Variants in ITPR2 observed in about 807,000 individuals in gnomAD.
ITPR2 encodes inositol 1,4,5-trisphosphate receptor type 2, also known as inositol 1,4,5-trisphosphate-gated calcium channel ITPR2.
A neutral mutation model predicts 317.1 loss-of-function variants in ITPR2; 207 were observed. That is an observed-to-expected ratio of 0.65 (90% CI 0.58 to 0.73). The LOEUF (loss-of-function observed/expected upper bound fraction) is 0.73. Among genes scored for constraint, ITPR2 ranks in the 30% least tolerant of loss-of-function variants. The probability of loss-of-function intolerance (pLI) is 0.00; values close to 1 mark genes in which losing one functional copy is unlikely to be tolerated. For missense variants in ITPR2, 2,613 were observed against 3,284.0 expected, an observed-to-expected ratio of 0.80 and a Z score of 4.99; for synonymous variants, 1,156 against 1,149.1, an observed-to-expected ratio of 1.01 and a Z score of -0.12.
intron 2 of ITPR2, among the ~76,000 whole-genome samples, chr12:26,735,744 C>T (rs543313186): frequency 2.0e-5 from 3 of 152,350 alleles, no homozygotes; most frequent in African/African-American, 7.2e-5. Flanking sequence ...TTTATATAAA[C>T]ATATCCTGTG....
At chr12:26,646,947 A>G (rs1435499342) in intron 21 of ITPR2, among the ~76,000 whole-genome samples, 1 of 152,240 alleles carries the variant, frequency 6.6e-6, no homozygotes, top group African/African-American at 2.4e-5. Context: ...AAATGAGAGA[A>G]GCTATGAAGA....
chr12:26,578,662 C>G, intron 34 of ITPR2, 51 bp downstream of exon 34: 3 of 1,538,848 alleles, frequency 1.9e-6, no homozygotes, highest in South Asian at 1.2e-5. Flanking sequence ...AGCCAAAAAC[C>G]TAATTTCTTC....
chr12:26,772,664 G>A (rs892637475), intron 2 of ITPR2, among the ~76,000 whole-genome samples: 1 of 149,510 alleles, frequency 6.7e-6, no homozygotes, highest in Non-Finnish European at 1.5e-5. Context: ...TTCATACACT[G>A]AATTGCACAT....
At chr12:26,691,713 GT>G (rs1278569040) in intron 10 of ITPR2, among the ~76,000 whole-genome samples, 1 of 152,036 alleles carries the variant, frequency 6.6e-6, no homozygotes, top group Non-Finnish European at 1.5e-5. Context: ...TGACTCATTT[GT>G]GAGTCATCAA....
At chr12:26,556,556 ATTTTTTT>A (rs11312773) in intron 35 of ITPR2, among the ~76,000 whole-genome samples, 181 bp from the exon 36 acceptor site, 1 of 133,796 alleles carries the variant, frequency 7.5e-6, no homozygotes, top group African/African-American at 3.0e-5. Context: ...CTGGGTCTCT[ATTTTTTT>A]TTTTGTGTGT....
intron 13 of ITPR2, among the ~76,000 whole-genome samples, chr12:26,675,833 T>C (rs956959421): frequency 6.6e-6 from 1 of 152,236 alleles, no homozygotes; most frequent in Non-Finnish European, 1.5e-5. Flanking sequence ...TAGAAAGTAA[T>C]TATCAATCTA....
chr12:26,434,610 T>A (rs1941304161), intron 48 of ITPR2, among the ~76,000 whole-genome samples: 2 of 152,140 alleles, frequency 1.3e-5, no homozygotes, highest in Non-Finnish European at 2.9e-5. Context: ...AGGGACATGC[T>A]TCTTGTTATT....
At position 26,550,352 on chromosome 12, in the gene ITPR2, C is replaced by G. The variant is rs759877997; in HGVS notation, c.4968G>C (p.Leu1656Phe). The G allele has an allele frequency of 2.3e-6, 3 of 1,317,500 alleles. No individual in the cohort carries two copies. The South Asian group carries it at 3.7e-5, about 16-fold the overall frequency. The allele number at this position is 1,317,500 out of a possible 1,614,324, so 81.6% of individuals were successfully genotyped here. ...RIRCGAFMSK[L>F]INHTKKLMEK... Reference sequence around the variant, plus strand: ...CCATTAGTTTCTTTGTATGATTAATCAACCTTAAAGCAAAACATGAGACCT... The same window carrying G: ...CCATTAGTTTCTTTGTATGATTAATGAACCTTAAAGCAAAACATGAGACCT... Residue 1656 changes from leucine to phenylalanine, a missense_variant, in exon 37 of 57, where the codon TTG (leucine) becomes TTC (phenylalanine). Leu to Phe is a conservative substitution (Grantham distance 22). This residue lies in a region of ITPR2 where 926 missense variants were observed against 1,072.8 expected (regional missense o/e 0.86). Transcript: ENST00000381340.
At chr12:26,706,993 T>C (rs1433173226) in intron 9 of ITPR2, among the ~76,000 whole-genome samples, 1 of 152,160 alleles carries the variant, frequency 6.6e-6, no homozygotes, top group African/African-American at 2.4e-5. Context: ...TATTATTTTC[T>C]TTGAGAACCA....
At chr12:26,675,714 C>T (rs1158460308) in intron 13 of ITPR2, among the ~76,000 whole-genome samples, 1 of 132,380 alleles carries the variant, frequency 7.6e-6, no homozygotes, top group African/African-American at 2.7e-5. Flanking sequence ...AAAAAATTAC[C>T]AAGTCAAGAA....
chr12:26,641,235 T>G lies in ITPR2; in HGVS notation c.2741-9176A>C, dbSNP rs546799879. ...CCATTCACAAAGGAGTGATTCTTTG[T>G]TTAAAAAAAAAAAAAATCTCTCTTT... On this transcript the variant is annotated intron_variant, in intron 21 of 56. Transcript: ENST00000381340. Among the ~76,000 whole-genome samples the G allele has an allele frequency of 4.0e-5, 6 of 151,288 alleles. No individual in the cohort carries two copies. The South Asian group carries it at 1.3e-3, about 32-fold the overall frequency.
chr12:26,704,554 CT>C (rs1592054851), intron 9 of ITPR2, among the ~76,000 whole-genome samples: 1 of 152,040 alleles, frequency 6.6e-6, no homozygotes, highest in African/African-American at 2.4e-5. Context: ...AACTTTGCCC[CT>C]ATATACTTAC....
At chr12:26,376,598 G>GTATT (rs1317628366) in intron 55 of ITPR2, among the ~76,000 whole-genome samples, 1 of 151,862 alleles carries the variant, frequency 6.6e-6, no homozygotes, top group Non-Finnish European at 1.5e-5. Flanking sequence ...TACTGCTATA[G>GTATT]AGCATGCTTT....
intron 21 of ITPR2, among the ~76,000 whole-genome samples, chr12:26,646,815 C>T (rs1459645511): frequency 1.3e-5 from 2 of 152,162 alleles, no homozygotes; most frequent in African/African-American, 2.4e-5. Context: ...AGTGACTCCT[C>T]ATTTTCTACA....
chr12:26,764,100 A>G (rs1186132895), intron 2 of ITPR2, among the ~76,000 whole-genome samples: 2 of 152,148 alleles, frequency 1.3e-5, no homozygotes, highest in African/African-American at 4.8e-5. Flanking sequence ...AATAAAATTA[A>G]GTAAAGGTAG....
intron 13 of ITPR2, among the ~76,000 whole-genome samples, chr12:26,671,855 A>T (rs572798947): frequency 6.6e-6 from 1 of 152,298 alleles, no homozygotes; most frequent in African/African-American, 2.4e-5. Context: ...ATGGAGGAAG[A>T]TCTACCAAGC....
intron 2 of ITPR2, among the ~76,000 whole-genome samples, chr12:26,746,191 A>AACAC (rs71437307): frequency 0.4 from 60,415 of 150,322 alleles, 12,854 homozygotes; most frequent in East Asian, 0.76. Context: ...GTATTCCTAC[A>AACAC]ACACACACAC....
At chr12:26,541,703 A>G (rs914873287) in intron 37 of ITPR2, among the ~76,000 whole-genome samples, 1 of 152,236 alleles carries the variant, frequency 6.6e-6, no homozygotes, top group Non-Finnish European at 1.5e-5. Context: ...ATTTGCAACA[A>G]TGCAATTATT....
intron 1 of ITPR2, among the ~76,000 whole-genome samples, chr12:26,822,023 T>C (rs554360648): frequency 4.1e-4 from 62 of 152,350 alleles, no homozygotes; most frequent in African/African-American, 1.4e-3. Context: ...GTAAGTTTCC[T>C]ACATAATGTG....
Sources: gnomAD v4.1 joint callset for allele counts (sites outside exome capture counted in the v4.1 genomes callset) on GRCh38, gnomAD v4.1.1 for gene constraint, gnomAD v4.1.1 regional missense constraint, MANE v1.5 for transcripts, NCBI Gene and HGNC (gene_info 2026-07-23, HGNC 2026-07-21) for gene names.